The following SECISBP2 variants were observed in gnomAD, a reference collection of about 807,000 sequenced individuals.
SECISBP2 encodes the protein SECIS binding protein 2.
A neutral mutation model predicts 98.2 loss-of-function variants in SECISBP2; 96 were observed. That is an observed-to-expected ratio of 0.98 (90% CI 0.83 to 1.16). The LOEUF (loss-of-function observed/expected upper bound fraction) is 1.16. Ranked by LOEUF, SECISBP2 falls within the 50% of genes most tolerant of loss-of-function variation. SECISBP2 has a pLI of 0.00. For synonymous variants in SECISBP2, 407 were observed against 370.2 expected (o/e 1.10, Z -1.14); for missense variants, 1,046 against 1,022.9 (o/e 1.02, Z -0.31).
At chr9:89,348,015 G>A (rs762655826) in intron 11 of SECISBP2, 64 bp from the exon 12 acceptor site, 26 of 1,491,768 alleles carry the variant, frequency 1.7e-5, no homozygotes, top group Non-Finnish European at 2.1e-5. Context: ...AGTTTAATTT[G>A]CAGAAGAGCT....
At chr9:89,335,420 C>T (rs1828498655) in intron 7 of SECISBP2, among the ~76,000 whole-genome samples, 1 of 151,976 alleles carries the variant, frequency 6.6e-6, no homozygotes, top group South Asian at 2.1e-4. Flanking sequence ...GCAAGCTCCG[C>T]CTCTCAGGCT....
intron 10 of SECISBP2, among the ~76,000 whole-genome samples, chr9:89,342,163 A>G (rs1445564784): frequency 6.6e-6 from 1 of 152,246 alleles, no homozygotes; most frequent in African/African-American, 2.4e-5. Context: ...ACAAGTGGTC[A>G]ATAAGTGCGT....
intron 16 of SECISBP2, among the ~76,000 whole-genome samples, 187 bp from the exon 17 acceptor site, chr9:89,358,534 C>T (rs1832452580): frequency 6.6e-6 from 1 of 152,226 alleles, no homozygotes; most frequent in Non-Finnish European, 1.5e-5. Context: ...CCCAGCTTCT[C>T]CTCAATAAGG....
Position 89,325,688 on chromosome 9 carries a change from T to C in SECISBP2, c.432+12T>C. The C allele has an allele frequency of 6.2e-7, 1 of 1,614,148 alleles. No individual in the cohort carries two copies. Among genetic ancestry groups the C allele is most frequent in the Non-Finnish European group, 8.5e-7 (1 of 1,180,010 alleles). On this transcript the variant is annotated intron_variant, in intron 3 of 16. Coordinates refer to ENST00000375807, the MANE Select transcript of SECISBP2 (RefSeq NM_024077.5). The stretch of plus-strand genomic sequence containing the variant: ...AAGCTCTGTTTAAGGTGAGTAGTGA[T>C]GTTGTTTTGTTGTGTCCTTTAGTTG...
chr9:89,321,452 G>A (rs1220408609), intron 2 of SECISBP2, among the ~76,000 whole-genome samples: 1 of 152,014 alleles, frequency 6.6e-6, no homozygotes, highest in African/African-American at 2.4e-5. Flanking sequence ...GGATCACGAG[G>A]TCAGGAGTTC....
chr9:89,327,817 T>G (rs1026354222), intron 4 of SECISBP2, among the ~76,000 whole-genome samples: 1 of 151,470 alleles, frequency 6.6e-6, no homozygotes, highest in African/African-American at 2.4e-5. Flanking sequence ...TTTGTGTTTT[T>G]TTTTTTTTTT....
chr9:89,338,336 ATT>A (rs1296169530), intron 7 of SECISBP2, 120 bp from the exon 8 acceptor site: 6 of 1,188,092 alleles, frequency 5.1e-6, no homozygotes, highest in African/African-American at 3.1e-5. Context: ...GAGGAACCTA[ATT>A]CTGAATAAAA....
rs570100156 is a variant in SECISBP2 at position 89,321,047 on chromosome 9, G to A, written c.182+1250G>A. Among the ~76,000 whole-genome samples, 24 of 152,332 alleles carry A rather than the reference G, an allele frequency of 1.6e-4. 1 individual carries two copies. The South Asian group carries it at 4.8e-3, about 30-fold the overall frequency. Reference sequence around the variant, plus strand: ...TTGTGTTTAGGAAATACTGAAAGTTGTATTTTTTTGACGAAAGTTGAAACA... The same window carrying A: ...TTGTGTTTAGGAAATACTGAAAGTTATATTTTTTTGACGAAAGTTGAAACA... On this transcript the variant is annotated intron_variant, in intron 2 of 16. Coordinates refer to ENST00000375807, the MANE Select transcript of SECISBP2 (RefSeq NM_024077.5).
intron 10 of SECISBP2, among the ~76,000 whole-genome samples, chr9:89,341,694 A>G (rs373799562): frequency 6.6e-6 from 1 of 152,270 alleles, no homozygotes; most frequent in East Asian, 1.9e-4. Flanking sequence ...TGCAAAGTCC[A>G]TGAATAGAAC....
At chr9:89,356,922 A>C (rs1398419615) in intron 14 of SECISBP2, 2 of 236,890 alleles carry the variant, frequency 8.4e-6, no homozygotes, top group Non-Finnish European at 1.7e-5. Context: ...CATGGTACTC[A>C]TTTCACCTCC....
downstream of SECISBP2, chr9:89,363,468 C>T: frequency 1.2e-6 from 2 of 1,613,996 alleles, no homozygotes; most frequent in Non-Finnish European, 1.7e-6. Flanking sequence ...CGGTCGTGCT[C>T]CCCAGCCACA....
chr9:89,318,962 C>T (rs1825200054), intron 1 of SECISBP2: 1 of 1,118,764 alleles, frequency 8.9e-7, no homozygotes, highest in Non-Finnish European at 1.1e-6. Context: ...AAGGATCCTG[C>T]GTTTTTCTGA....
At position 89,334,799 on chromosome 9, in the gene SECISBP2, G is replaced by T; in HGVS notation, c.1089+69G>T. 5.2e-6 allele frequency: 6 copies of T among 1,158,730 alleles called. No individual in the cohort carries two copies. The South Asian group carries it at 7.4e-5, about 14-fold the overall frequency. The allele number at this position is 1,158,730 out of a possible 1,614,324, so 71.8% of individuals were successfully genotyped here. ...GGCTCAGTAGAGTGGGGAATGAGAA[G>T]TTATTTATTAATGGGTAGAGAGTTT... On this transcript the variant is annotated intron_variant, in intron 7 of 16. Transcript: ENST00000375807.
downstream of SECISBP2, chr9:89,360,894 C>T (rs1262306499): frequency 6.6e-6 from 1 of 152,188 alleles, no homozygotes; most frequent in Admixed American, 6.5e-5. Flanking sequence ...ATTACGAAAA[C>T]TTCAAGTATG....
At position 89,329,040 on chromosome 9, in the gene SECISBP2, CCTT is replaced by C. The variant is rs1382812215; in HGVS notation, c.801+158_801+160del. 1.2e-5 allele frequency: 8 copies of C among 650,166 alleles called. No individual in the cohort carries two copies. The Admixed American group carries it at 2.2e-4, about 17-fold the overall frequency. The allele number at this position is 650,166 out of a possible 1,614,324, so 40.3% of individuals were successfully genotyped here. ...AGCCTTTCATTGTGCACTTATATGA[CCTT>C]CTTTGTTTGAACAGTTTATAATGAG... On this transcript the variant is annotated intron_variant, in intron 5 of 16. Coordinates refer to ENST00000375807, the MANE Select transcript of SECISBP2 (RefSeq NM_024077.5).
At chr9:89,358,690 A>T in intron 16 of SECISBP2, 31 bp from the exon 17 acceptor site, 1 of 1,442,970 alleles carries the variant, frequency 6.9e-7, no homozygotes, top group East Asian at 2.3e-5. Flanking sequence ...GTTGATGCCT[A>T]TTCCTCACTC....
chr9:89,344,603 T>A (rs1830166575), intron 10 of SECISBP2, among the ~76,000 whole-genome samples: 1 of 152,214 alleles, frequency 6.6e-6, no homozygotes, highest in African/African-American at 2.4e-5. Flanking sequence ...AACTTCGTCA[T>A]TTGTTCCTCG....
chr9:89,346,715 G>T (rs540686851), intron 10 of SECISBP2, among the ~76,000 whole-genome samples, 167 bp from the exon 11 acceptor site: 17 of 139,820 alleles, frequency 1.2e-4, no homozygotes, highest in African/African-American at 3.4e-4. Context: ...TGAAAAGAAT[G>T]TGTAAGAGAT....
At chr9:89,349,380 C>G (rs1830918029) in intron 12 of SECISBP2, among the ~76,000 whole-genome samples, 3 of 152,268 alleles carry the variant, frequency 2.0e-5, no homozygotes, top group African/African-American at 7.2e-5. Flanking sequence ...TGGTCTCAAG[C>G]ATTTGAGAAA....
Sources: gnomAD v4.1 joint callset for allele counts (sites outside exome capture counted in the v4.1 genomes callset) on GRCh38, gnomAD v4.1.1 for gene constraint, MANE v1.5 for transcripts, NCBI Gene and HGNC (gene_info 2026-07-23, HGNC 2026-07-21) for gene names.